ACVR1C: variants seen among roughly 807,000 people sequenced by gnomAD.
ACVR1C encodes the protein activin A receptor type 1C.
A neutral mutation model predicts 57.9 loss-of-function variants in ACVR1C; 23 were observed. The observed-to-expected ratio is 0.40, with a 90% CI of 0.29 to 0.56. The LOEUF is 0.56. ACVR1C is among the 20% of genes least tolerant of loss of function. ACVR1C has a pLI of 0.50. For synonymous variants in ACVR1C, 214 were observed against 215.3 expected (o/e 0.99, Z 0.05); for missense variants, 480 against 607.9 (o/e 0.79, Z 2.21).
At position 157,538,684 on chromosome 2, in the gene ACVR1C, T is replaced by C. The variant is rs917394723; in HGVS notation, c.1245A>G (p.Gln415=). The part of the protein sequence containing the change: ...CSVGGIVEEY[Q]LPYYDMVPSD... ...AAGGCACCATGTCATAATAAGGCAA[T>C]TGGTACTCCTCAACAATTCCTGTAA... is the stretch of plus-strand genomic sequence containing the variant. The change falls in exon 8 of 9, where the codon CAA becomes CAG. Residue 415 remains glutamine, a synonymous_variant. Coordinates refer to ENST00000243349, the MANE Select transcript of ACVR1C (RefSeq NM_145259.3). 1 of 1,531,972 alleles carries C rather than the reference T, an allele frequency of 6.5e-7. No individual in the cohort carries two copies. The highest frequency in any genetic ancestry group is 1.4e-5 in the African/African-American group (1 of 71,668). 94.9% of individuals were successfully genotyped at this position (1,531,972 alleles called of 1,614,324 possible). A position where few individuals can be genotyped will look rare whatever the true frequency, so the allele number is the denominator to read the frequency against.
intron 3 of ACVR1C, 136 bp from the exon 4 acceptor site, chr2:157,550,528 A>G (rs1010690316): frequency 1.3e-6 from 1 of 744,026 alleles, no homozygotes; most frequent in South Asian, 2.0e-5. Context: ...AGGAATAAGT[A>G]CCATTATAGC....
At chr2:157,556,576 G>A (rs1200631156) in intron 2 of ACVR1C, among the ~76,000 whole-genome samples, 2 of 150,568 alleles carry the variant, frequency 1.3e-5, no homozygotes, top group African/African-American at 4.9e-5. Flanking sequence ...ATGGAAACTA[G>A]CACATGGGAT....
At position 157,597,884 on chromosome 2, in the gene ACVR1C, T is replaced by C. The variant is rs537985557; in HGVS notation, c.74-10467A>G. ...ACCATTCTAGCCCGGGAGGATTTGC[T>C]AGACCGGTATTTATTGAGAGAAATC... On this transcript the variant is annotated intron_variant, in intron 1 of 8. Transcript: ENST00000243349. 2.6e-5 allele frequency among the ~76,000 whole-genome samples: 4 copies of C among 152,314 alleles called. No homozygotes were observed. The South Asian group carries it at 6.2e-4, about 24-fold the overall frequency.
At chr2:157,605,638 G>A (rs1158827455) in intron 1 of ACVR1C, among the ~76,000 whole-genome samples, 1 of 151,518 alleles carries the variant, frequency 6.6e-6, no homozygotes, top group Admixed American at 6.6e-5. Flanking sequence ...ATAACCTATG[G>A]ACATCCTCCC....
chr2:157,614,401 T>A (rs1258723660), intron 1 of ACVR1C, among the ~76,000 whole-genome samples: 1 of 152,160 alleles, frequency 6.6e-6, no homozygotes, highest in African/African-American at 2.4e-5. Context: ...TGTATTAGGT[T>A]TGTTCTATGC....
intron 2 of ACVR1C, among the ~76,000 whole-genome samples, chr2:157,585,649 T>C (rs889082123): frequency 1.1e-4 from 17 of 152,236 alleles, no homozygotes; most frequent in African/African-American, 4.1e-4. Context: ...CCTAAAATCC[T>C]TTGTATTTGG....
chr2:157,562,867 A>C (rs1024167673), intron 2 of ACVR1C, among the ~76,000 whole-genome samples: 1 of 133,468 alleles, frequency 7.5e-6, no homozygotes, highest in Non-Finnish European at 1.8e-5. Flanking sequence ...AATGACAAAA[A>C]CCACATGATT....
chr2:157,538,463 T>A lies in ACVR1C; in HGVS notation c.1356+110A>T, dbSNP rs1030101773. 33 of 1,050,426 alleles carry A rather than the reference T, an allele frequency of 3.1e-5. 1 individual carries two copies. The highest frequency in any genetic ancestry group is 4.0e-5 in the Non-Finnish European group (31 of 782,046). 65.1% of individuals were successfully genotyped at this position (1,050,426 alleles called of 1,614,324 possible). On this transcript the variant is annotated intron_variant, in intron 8 of 8. Transcript: ENST00000243349. ...TTCTGAAGACTTATAAAAAGACGTA[T>A]GTCTACATATATGGAATGAATTGGA... is the stretch of plus-strand genomic sequence containing the variant.
At chr2:157,544,234 G>A (rs1276643113) in intron 5 of ACVR1C, among the ~76,000 whole-genome samples, 1 of 141,296 alleles carries the variant, frequency 7.1e-6, no homozygotes, top group Admixed American at 7.2e-5. Flanking sequence ...TGGTAGAGAT[G>A]GAGATCTCAC....
chr2:157,532,218 C>T lies in ACVR1C; in HGVS notation c.*1700G>A, dbSNP rs1205445779. 5 of 151,920 alleles carry T rather than the reference C, an allele frequency of 3.3e-5. No individual in the cohort carries two copies. The highest frequency in any genetic ancestry group is 2.9e-5 in the Non-Finnish European group (2 of 67,948). The allele number at this position is 151,920 out of a possible 1,614,324, so 9.4% of individuals were successfully genotyped here. ...AAATACAGAAGTATATCCTTCAGAACGCTATTACCCAAGCTGTGCTTTGCT... is the reference window on the plus strand; with the variant it reads ...AAATACAGAAGTATATCCTTCAGAATGCTATTACCCAAGCTGTGCTTTGCT... On this transcript the variant is annotated 3_prime_UTR_variant, in exon 9 of 9. Coordinates refer to ENST00000243349, the MANE Select transcript of ACVR1C (RefSeq NM_145259.3).
intron 2 of ACVR1C, among the ~76,000 whole-genome samples, chr2:157,575,934 A>C (rs6748047): frequency 0.33 from 49,959 of 152,056 alleles, 8,691 homozygotes; most frequent in Non-Finnish European, 0.4. Context: ...TCCAGATATT[A>C]ACAGAATGTG....
chr2:157,549,619 G>A (rs2105216058), intron 4 of ACVR1C, among the ~76,000 whole-genome samples: 1 of 152,098 alleles, frequency 6.6e-6, no homozygotes, highest in East Asian at 1.9e-4. Flanking sequence ...TTCATTGTAT[G>A]GTTATGTATA....
chr2:157,583,623 A>C (rs2105253114), intron 2 of ACVR1C, among the ~76,000 whole-genome samples: 1 of 152,326 alleles, frequency 6.6e-6, no homozygotes, highest in East Asian at 1.9e-4. Context: ...AATACTTACT[A>C]TAAAACTACA....
chr2:157,609,366 G>GAGACTTA (rs1417910401), intron 1 of ACVR1C, among the ~76,000 whole-genome samples: 2 of 151,848 alleles, frequency 1.3e-5, no homozygotes, highest in Non-Finnish European at 2.9e-5. Flanking sequence ...AAAATTTGTT[G>GAGACTTA]AGACTTATTT....
At chr2:157,539,872 C>T (rs1169679518) in intron 7 of ACVR1C, among the ~76,000 whole-genome samples, 1 of 152,062 alleles carries the variant, frequency 6.6e-6, no homozygotes, top group African/African-American at 2.4e-5. Context: ...ATAATATCAT[C>T]TATGAATAAA....
chr2:157,580,085 ACACACACGCGCGCACG>A (rs1402018997), intron 2 of ACVR1C, among the ~76,000 whole-genome samples: 4 of 151,692 alleles, frequency 2.6e-5, no homozygotes, highest in South Asian at 2.1e-4. Flanking sequence ...ACACACACAA[ACACACACGCGCGCACG>A]CACACACGTG....
rs137947198 is a variant in ACVR1C at position 157,606,391 on chromosome 2, T to G, written c.74-18974A>C. Among the ~76,000 whole-genome samples, 630 of 151,994 alleles carry G rather than the reference T, an allele frequency of 4.1e-3. 7 individuals carry two copies. Among genetic ancestry groups the G allele is most frequent in the African/African-American group, 0.015 (610 of 41,546 alleles). On this transcript the variant is annotated intron_variant, in intron 1 of 8. Transcript: ENST00000243349. ...GGAATCTCCATATTGTTTTCCATAG[T>G]GATTGTACTAGTTTACATTCCCACC...
At chr2:157,562,487 A>G (rs1228157535) in intron 2 of ACVR1C, among the ~76,000 whole-genome samples, 1 of 145,522 alleles carries the variant, frequency 6.9e-6, no homozygotes, top group Non-Finnish European at 1.5e-5. Flanking sequence ...AATAAAATAA[A>G]ATAAAATAAA....
At chr2:157,544,091 T>C (rs918952558) in intron 5 of ACVR1C, among the ~76,000 whole-genome samples, 21 of 147,822 alleles carry the variant, frequency 1.4e-4, no homozygotes, top group African/African-American at 5.0e-4. Context: ...CAAACTAGAG[T>C]GCAGTGGTGC....
Sources: gnomAD v4.1 joint callset for allele counts (sites outside exome capture counted in the v4.1 genomes callset) on GRCh38, gnomAD v4.1.1 for gene constraint, MANE v1.5 for transcripts, NCBI Gene and HGNC (gene_info 2026-07-23, HGNC 2026-07-21) for gene names.